The following PALM2AKAP2 variants were observed in gnomAD, a reference collection of about 807,000 sequenced individuals.
The protein encoded by PALM2AKAP2 is PALM2 and AKAP2 fusion.
A neutral mutation model predicts 71.5 loss-of-function variants in PALM2AKAP2; 37 were observed. The observed-to-expected ratio is 0.52, with a 90% confidence interval of 0.40 to 0.68. The LOEUF (loss-of-function observed/expected upper bound fraction) is 0.68, where lower values mean the gene tolerates loss of function less well. Among genes scored for constraint, PALM2AKAP2 ranks in the 30% least tolerant of loss-of-function variants. PALM2AKAP2 has a pLI of 0.00. For synonymous variants in PALM2AKAP2, 468 were observed against 478.8 expected, an observed-to-expected ratio of 0.98 and a Z score of 0.29; for missense variants, 1,224 against 1,191.8, an observed-to-expected ratio of 1.03 and a Z score of -0.40.
chr9:110,020,455 G>T (rs1833054265), intron 7 of PALM2AKAP2, among the ~76,000 whole-genome samples: 1 of 152,030 alleles, frequency 6.6e-6, no homozygotes, highest in Non-Finnish European at 1.5e-5. Flanking sequence ...GGCCGAGGTG[G>T]GTGGATCACC....
chr9:109,949,882 AG>A (rs1318240598), intron 6 of PALM2AKAP2, among the ~76,000 whole-genome samples: 1 of 152,190 alleles, frequency 6.6e-6, no homozygotes, highest in Non-Finnish European at 1.5e-5. Flanking sequence ...GCCACATTTG[AG>A]GTTAAGGGAC....
exon 4 of PALM2AKAP2, chr9:110,170,451 C>T (rs1240833038): frequency 6.6e-6 from 1 of 152,480 alleles, no homozygotes; most frequent in Non-Finnish European, 1.5e-5. Context: ...GACATTTATT[C>T]ACAAATGAGA....
intron 1 of PALM2AKAP2, among the ~76,000 whole-genome samples, chr9:110,113,068 T>G (rs1835285158): frequency 6.6e-6 from 1 of 152,218 alleles, no homozygotes; most frequent in Non-Finnish European, 1.5e-5. Flanking sequence ...ACCTGGCTTC[T>G]GTGTACAACA....
At chr9:110,043,714 GTGTTTTTT>G (rs1833545459), upstream of PALM2AKAP2, among the ~76,000 whole-genome samples, 1 of 98,410 alleles carries the variant, frequency 1.0e-5, no homozygotes, top group Non-Finnish European at 2.0e-5. Context: ...GTTTTTTTTG[GTGTTTTTT>G]TTTTTTTTTT....
At chr9:109,700,344 T>C (rs1828034676) in intron 1 of PALM2AKAP2, among the ~76,000 whole-genome samples, 1 of 152,112 alleles carries the variant, frequency 6.6e-6, no homozygotes, top group Non-Finnish European at 1.5e-5. Flanking sequence ...CTCCACATAC[T>C]CTCTTGCCTG....
chr9:109,993,324 C>T (rs1832518609), intron 6 of PALM2AKAP2, among the ~76,000 whole-genome samples: 1 of 152,106 alleles, frequency 6.6e-6, no homozygotes, highest in Non-Finnish European at 1.5e-5. Context: ...TAAGAGGTGG[C>T]CACCAGGGTT....
chr9:109,932,630 G>A (rs1831131319), intron 6 of PALM2AKAP2, among the ~76,000 whole-genome samples: 1 of 152,232 alleles, frequency 6.6e-6, no homozygotes, highest in African/African-American at 2.4e-5. Context: ...AGTGTTGAGT[G>A]TAGGGAGAAC....
At chr9:109,642,418 T>C (rs1262780297) in intron 1 of PALM2AKAP2, among the ~76,000 whole-genome samples, 1 of 151,144 alleles carries the variant, frequency 6.6e-6, no homozygotes, top group Non-Finnish European at 1.5e-5. Context: ...CTATTATCTA[T>C]GAATATTATC....
chr9:110,162,458 C>T (rs1159251440), intron 3 of PALM2AKAP2, among the ~76,000 whole-genome samples: 1 of 152,144 alleles, frequency 6.6e-6, no homozygotes, highest in Non-Finnish European at 1.5e-5. Context: ...TTTAAAGTTT[C>T]TTTAGGCATT....
intron 6 of PALM2AKAP2, among the ~76,000 whole-genome samples, chr9:109,978,615 G>C (rs1222002727): frequency 6.6e-6 from 1 of 152,190 alleles, no homozygotes; most frequent in Non-Finnish European, 1.5e-5. Flanking sequence ...CACAGGCCAA[G>C]GCTCTACCTC....
chr9:110,136,064 C>A, intron 1 of PALM2AKAP2, 63 bp from the exon 8 acceptor site: 1 of 1,495,198 alleles, frequency 6.7e-7, no homozygotes, highest in South Asian at 1.4e-5. Flanking sequence ...GTCAGTTTGT[C>A]AGCATTCACA....
chr9:109,657,841 G>T (rs1218077863), intron 1 of PALM2AKAP2, among the ~76,000 whole-genome samples: 1 of 151,956 alleles, frequency 6.6e-6, no homozygotes, highest in Non-Finnish European at 1.5e-5. Flanking sequence ...AGTGAGGATG[G>T]CTGGGAGCTA....
In PALM2AKAP2 at chr9:110,024,354, A is replaced by T. The variant is rs544441386; in HGVS notation, c.582+8315A>T. Reference sequence around the variant, plus strand: ...TTGCCTGTTCTGGACATTTCATATAAATGGAGTCATACAACATGCAGTGTT... The same window carrying T: ...TTGCCTGTTCTGGACATTTCATATATATGGAGTCATACAACATGCAGTGTT... On this transcript the variant is annotated intron_variant, in intron 7 of 9. Transcript: ENST00000302798. 1.7e-3 allele frequency among the ~76,000 whole-genome samples: 259 copies of T among 152,288 alleles called. 1 individual carries two copies. The highest frequency in any genetic ancestry group is 3.3e-3 in the Non-Finnish European group (227 of 68,018).
At chr9:109,763,032 AG>A (rs1829082631) in intron 1 of PALM2AKAP2, among the ~76,000 whole-genome samples, 1 of 152,190 alleles carries the variant, frequency 6.6e-6, no homozygotes, top group African/African-American at 2.4e-5. Flanking sequence ...GAGAGACCAG[AG>A]GGCAGCACTT....
At chr9:110,051,905 CCT>C (rs1833717742) in intron 1 of PALM2AKAP2, among the ~76,000 whole-genome samples, 1 of 150,862 alleles carries the variant, frequency 6.6e-6, no homozygotes, top group African/African-American at 2.4e-5. Context: ...CAAATTGCAC[CCT>C]TTTTTTTTTT....
chr9:109,715,373 A>T (rs986713661), intron 1 of PALM2AKAP2, among the ~76,000 whole-genome samples: 11 of 152,194 alleles, frequency 7.2e-5, no homozygotes, highest in Admixed American at 7.2e-4. Context: ...ACATTGAATT[A>T]TTCACTTCAG....
intron 1 of PALM2AKAP2, among the ~76,000 whole-genome samples, chr9:110,115,134 T>C (rs1835336137): frequency 1.3e-5 from 2 of 152,154 alleles, no homozygotes; most frequent in Admixed American, 1.3e-4. Flanking sequence ...TGACCAGCCC[T>C]CAGCTGCTCC....
At chr9:110,155,019 G>A (rs981835411) in intron 2 of PALM2AKAP2, among the ~76,000 whole-genome samples, 4 of 152,190 alleles carry the variant, frequency 2.6e-5, no homozygotes. Context: ...GCCAAGTACT[G>A]GAAGAGCAGG....
intron 1 of PALM2AKAP2, chr9:109,771,866 G>A (rs1211434517): frequency 6.6e-6 from 1 of 152,154 alleles, no homozygotes; most frequent in African/African-American, 2.4e-5. Flanking sequence ...TACTTAATCC[G>A]ACCCAGAAGG....
Sources: allele counts gnomAD v4.1 joint callset (sites outside exome capture counted in the v4.1 genomes callset), GRCh38; gene constraint gnomAD v4.1.1; transcripts MANE v1.5; gene names NCBI Gene and HGNC (gene_info 2026-07-23, HGNC 2026-07-21).